Variants in AP3M1 observed in about 807,000 individuals in gnomAD.
AP3M1 encodes AP-3 complex subunit mu-1.
Under a neutral mutation model 42.6 loss-of-function variants are expected in AP3M1, and 29 were observed. That is an observed-to-expected ratio of 0.68 (90% CI 0.51 to 0.93). The LOEUF (loss-of-function observed/expected upper bound fraction) is 0.93, where lower values mean the gene tolerates loss of function less well. Ranked by LOEUF, AP3M1 falls within the 40% of genes least tolerant of loss-of-function variation. The pLI, the probability that AP3M1 is intolerant of heterozygous loss-of-function variation, is 0.00. For synonymous variants in AP3M1, 178 were observed against 175.3 expected (o/e 1.02, Z -0.12); for missense variants, 416 against 510.2 (o/e 0.82, Z 1.78).
intron 7 of AP3M1, among the ~76,000 whole-genome samples, chr10:74,125,924 T>G (rs1027268622): frequency 7.2e-5 from 11 of 152,172 alleles, no homozygotes; most frequent in African/African-American, 2.7e-4. Context: ...GAAGGCACAC[T>G]CTGAAAAAGG....
chr10:74,132,216 A>G (rs534562196), intron 4 of AP3M1, among the ~76,000 whole-genome samples: 23 of 151,306 alleles, frequency 1.5e-4, no homozygotes, highest in Admixed American at 1.5e-3. Context: ...TTTTGTATTT[A>G]TAGTAGAGAC....
At position 74,142,232 on chromosome 10, in the gene AP3M1, G is replaced by C. The variant is rs1404858865; in HGVS notation, c.-3-3850C>G. ...TTACGTGTATAAGCACCAGTATCAGGTGTTTAGTCTAGTGGCTCAATCATT... is the reference window on the plus strand; with the variant it reads ...TTACGTGTATAAGCACCAGTATCAGCTGTTTAGTCTAGTGGCTCAATCATT... On this transcript the variant is annotated intron_variant, in intron 1 of 8. Coordinates refer to ENST00000355264, the MANE Select transcript of AP3M1 (RefSeq NM_012095.6). Among the ~76,000 whole-genome samples, 3 of 152,242 alleles carry C rather than the reference G, an allele frequency of 2.0e-5. No homozygotes were observed. The East Asian group carries it at 5.8e-4, about 29-fold the overall frequency.
In AP3M1 at chr10:74,120,589, C is replaced by T. The variant is rs1233404019; in HGVS notation, c.*3221G>A. On this transcript the variant is annotated 3_prime_UTR_variant, in exon 9 of 9. Transcript: ENST00000355264. ...CTGCAGTGCAGTGGTGCAATCTCAG[C>T]TCACTGCAACCTCTGCCTCCCGGGT... 1.3e-5 allele frequency: 2 copies of T among 152,512 alleles called. No homozygotes were observed. The highest frequency in any genetic ancestry group is 2.9e-5 in the Non-Finnish European group (2 of 68,328). 9.4% of individuals were successfully genotyped at this position (152,512 alleles called of 1,614,324 possible). A position where few individuals can be genotyped will look rare whatever the true frequency, so the allele number is the denominator to read the frequency against.
At chr10:74,133,171 G>C (rs770075888) in intron 4 of AP3M1, among the ~76,000 whole-genome samples, 6 of 152,152 alleles carry the variant, frequency 3.9e-5, no homozygotes, top group Non-Finnish European at 8.8e-5. Flanking sequence ...GAAACGGGCA[G>C]ATCACCTAAG....
intron 1 of AP3M1, among the ~76,000 whole-genome samples, chr10:74,141,583 C>T (rs1366491177): frequency 6.6e-6 from 1 of 151,974 alleles, no homozygotes; most frequent in East Asian, 1.9e-4. Context: ...CAGTATGATT[C>T]CATTTATATG....
At chr10:74,149,932 C>CTTTCTAATTATAA (rs1434432966) in intron 1 of AP3M1, among the ~76,000 whole-genome samples, 3 of 152,202 alleles carry the variant, frequency 2.0e-5, no homozygotes, top group Admixed American at 6.5e-5. Flanking sequence ...TCAAACAGCT[C>CTTTCTAATTATAA]AATGACTTTC....
rs949007124 is a variant in AP3M1 at position 74,123,085 on chromosome 10, T to G, written c.*725A>C. On this transcript the variant is annotated 3_prime_UTR_variant, in exon 9 of 9. Coordinates refer to ENST00000355264, the MANE Select transcript of AP3M1 (RefSeq NM_012095.6). Reference sequence around the variant, plus strand: ...CATTTGCCCCTTTGATACAAATGATTTTTTTACTGTGCTAACAGCTGAACC... The same window carrying G: ...CATTTGCCCCTTTGATACAAATGATGTTTTTACTGTGCTAACAGCTGAACC... 1 of 152,666 alleles carries G rather than the reference T, an allele frequency of 6.6e-6. No individual in the cohort carries two copies. Among genetic ancestry groups the G allele is most frequent in the African/African-American group, 2.4e-5 (1 of 41,468 alleles). The allele number at this position is 152,666 out of a possible 1,614,324, so 9.5% of individuals were successfully genotyped here.
intron 6 of AP3M1, 171 bp downstream of exon 6, chr10:74,128,937 T>C: frequency 1.5e-6 from 1 of 666,202 alleles, no homozygotes; most frequent in Non-Finnish European, 2.5e-6. Context: ...ATTCAAAGTA[T>C]ACGGATTATT....
At position 74,122,269 on chromosome 10, in the gene AP3M1, C is replaced by T. The variant is rs1840488483; in HGVS notation, c.*1541G>A. 6.6e-6 allele frequency: 1 copy of T among 152,090 alleles called. No individual in the cohort carries two copies. The highest frequency in any genetic ancestry group is 2.1e-4 in the South Asian group (1 of 4,804). 9.4% of individuals were successfully genotyped at this position (152,090 alleles called of 1,614,324 possible). The stretch of plus-strand genomic sequence containing the variant: ...AGTGGGCTCCTTGTACCAGCACCAA[C>T]CAGCAGCCCTTGACAGCATAGATGG... On this transcript the variant is annotated 3_prime_UTR_variant, in exon 9 of 9. Coordinates refer to ENST00000355264, the MANE Select transcript of AP3M1 (RefSeq NM_012095.6).
intron 2 of AP3M1, 37 bp downstream of exon 2, chr10:74,138,070 G>A (rs1002934754): frequency 1.3e-6 from 2 of 1,584,734 alleles, no homozygotes; most frequent in East Asian, 2.2e-5. Flanking sequence ...AGCTAACTTG[G>A]GTCATTTAAC....
intron 1 of AP3M1, among the ~76,000 whole-genome samples, chr10:74,139,913 C>CA (rs35170560): frequency 0.54 from 59,805 of 111,414 alleles, 15,495 homozygotes; most frequent in Middle Eastern, 0.61. Context: ...GACTCCATCT[C>CA]AAAAAAAAAA....
At chr10:74,137,662 A>C (rs1840987795) in intron 2 of AP3M1, among the ~76,000 whole-genome samples, 1 of 152,244 alleles carries the variant, frequency 6.6e-6, no homozygotes, top group African/African-American at 2.4e-5. Flanking sequence ...CTGACATAAA[A>C]TGGCATAGTA....
At chr10:74,125,414 C>A (rs1002966787) in intron 7 of AP3M1, among the ~76,000 whole-genome samples, 10 of 152,214 alleles carry the variant, frequency 6.6e-5, no homozygotes, top group African/African-American at 2.2e-4. Flanking sequence ...GCAAAGCTGT[C>A]ATAGTTGAAG....
At chr10:74,149,204 T>C (rs1841433567) in intron 1 of AP3M1, among the ~76,000 whole-genome samples, 1 of 138,168 alleles carries the variant, frequency 7.2e-6, no homozygotes, top group Admixed American at 7.6e-5. Flanking sequence ...GAAATAAAAA[T>C]CATAAGATTA....
chr10:74,129,049 G>A (rs557849911), intron 6 of AP3M1, 59 bp downstream of exon 6: 56 of 1,591,180 alleles, frequency 3.5e-5, no homozygotes, highest in Non-Finnish European at 4.6e-5. Flanking sequence ...AAGAAACAGG[G>A]AAAGGTGAGT....
chr10:74,129,571 A>G (rs1184102496), intron 5 of AP3M1, among the ~76,000 whole-genome samples: 2 of 152,224 alleles, frequency 1.3e-5, no homozygotes, highest in Non-Finnish European at 2.9e-5. Context: ...TCCTAGCAGT[A>G]TATCATGCTG....
chr10:74,144,224 G>A (rs1194657712), intron 1 of AP3M1, among the ~76,000 whole-genome samples: 1 of 152,042 alleles, frequency 6.6e-6, no homozygotes, highest in Non-Finnish European at 1.5e-5. Context: ...GCCTCCCAAA[G>A]TGCTGGGATT....
chr10:74,133,555 C>T (rs984309121), intron 4 of AP3M1, among the ~76,000 whole-genome samples: 3 of 152,056 alleles, frequency 2.0e-5, no homozygotes, highest in African/African-American at 4.8e-5. Context: ...TGTGAGACCC[C>T]GTCTCAAATA....
At chr10:74,146,159 G>A (rs927043117) in intron 1 of AP3M1, among the ~76,000 whole-genome samples, 37 of 152,164 alleles carry the variant, frequency 2.4e-4, no homozygotes, top group Admixed American at 5.2e-4. Context: ...AGGCTTAGAG[G>A]TGAGAGAGAA....
Sources: allele counts gnomAD v4.1 joint callset (sites outside exome capture counted in the v4.1 genomes callset), GRCh38; gene constraint gnomAD v4.1.1; transcripts MANE v1.5; gene names NCBI Gene and HGNC (gene_info 2026-07-23, HGNC 2026-07-21).